The following RIN2 variants were observed in gnomAD, a reference collection of about 807,000 sequenced individuals.
The protein encoded by RIN2 is Ras and Rab interactor 2.
In RIN2, 36 loss-of-function variants were observed where a neutral mutation model predicts 78.0. That is an observed-to-expected ratio of 0.46 (90% CI 0.35 to 0.61). The LOEUF (loss-of-function observed/expected upper bound fraction) is 0.61, where lower values mean the gene tolerates loss of function less well. RIN2 is among the 20% of genes least tolerant of loss of function. The pLI is 0.00. For missense variants in RIN2, 1,087 were observed against 1,159.7 expected (o/e 0.94, Z 0.91); for synonymous variants, 466 against 466.8 (o/e 1.00, Z 0.02).
rs6046405 is a variant in RIN2, at chr20:19,883,076, C to G, written c.-36-6490C>G. Among the ~76,000 whole-genome samples, 734 of 152,258 alleles carry G rather than the reference C, an allele frequency of 4.8e-3. 6 individuals are homozygous for G. Among genetic ancestry groups the G allele is most frequent in the African/African-American group, 0.014 (567 of 41,550 alleles). ...TGTTCAAGGGTCAACTGTATGCAGA[C>G]TTTTCAATGACCTTGCGGGTAGCCA... On this transcript the variant is annotated intron_variant, in intron 2 of 12. Coordinates refer to ENST00000255006, the MANE Select transcript of RIN2 (RefSeq NM_018993.4).
intron 1 of RIN2, among the ~76,000 whole-genome samples, chr20:19,790,249 A>T (rs2034846108): frequency 6.6e-6 from 1 of 152,092 alleles, no homozygotes; most frequent in Admixed American, 6.5e-5. Context: ...AAATAATCAT[A>T]CACCCACCGA....
rs188096083 is a variant in RIN2 at position 19,858,126 on chromosome 20, A to T, written c.-36-31440A>T. ...CCCTTTTTATGGTCTGTCTTTTTTTAAAAAAAAATATTAAGATGGCTTGAG... is the reference window on the plus strand; with the variant it reads ...CCCTTTTTATGGTCTGTCTTTTTTTTAAAAAAAATATTAAGATGGCTTGAG... On this transcript the variant is annotated intron_variant, in intron 2 of 12. Transcript: ENST00000255006. Among the ~76,000 whole-genome samples, 715 of 149,986 alleles carry T rather than the reference A, an allele frequency of 4.8e-3. 3 individuals carry two copies. Among genetic ancestry groups the T allele is most frequent in the East Asian group, 0.032 (164 of 5,130 alleles).
At chr20:19,992,329 C>G in intron 11 of RIN2, 30 bp downstream of exon 11, 3 of 1,526,870 alleles carry the variant, frequency 2.0e-6, no homozygotes, top group Non-Finnish European at 2.6e-6. Context: ...GTTGAAGGAA[C>G]TGGGTGCTAT....
rs371421205 is a variant in RIN2, at chr20:19,996,720, A to G, written c.2242A>G (p.Ile748Val). The change falls in exon 12 of 13, where the codon ATA becomes GTA. Residue 748 changes from isoleucine to valine, a missense_variant. Ile to Val is a conservative substitution (Grantham distance 29). Coordinates refer to ENST00000255006, the MANE Select transcript of RIN2 (RefSeq NM_018993.4). ...AAGCGCATATGGAGCACTTTCTCTGATAAAGAATTTCCAAGAAGAACAAGC... is the reference window on the plus strand; with the variant it reads ...AAGCGCATATGGAGCACTTTCTCTGGTAAAGAATTTCCAAGAAGAACAAGC... ...LTSAYGALSL[I>V]KNFQEEQAAR... 1.2e-6 allele frequency: 2 copies of G among 1,613,896 alleles called. No individual in the cohort carries two copies. The highest frequency in any genetic ancestry group is 2.7e-5 in the African/African-American group (2 of 74,926).
intron 2 of RIN2, among the ~76,000 whole-genome samples, chr20:19,842,453 GCTGGT>G (rs539384978): frequency 4.8e-4 from 62 of 128,118 alleles, no homozygotes; most frequent in South Asian, 3.6e-3. Flanking sequence ...TGTTGGCCAG[GCTGGT>G]CTCGAACTCT....
In RIN2 at chr20:19,897,368, T is replaced by A. The variant is rs567532142; in HGVS notation, c.57+7710T>A. 1.2e-4 allele frequency among the ~76,000 whole-genome samples: 19 copies of A among 152,244 alleles called. No individual in the cohort carries two copies. In the East Asian group the frequency reaches 3.7e-3, roughly 29 times the overall value. On this transcript the variant is annotated intron_variant, in intron 3 of 12. Transcript: ENST00000255006. The stretch of plus-strand genomic sequence containing the variant: ...AAGTGATCTTCCTGCCTCAGCCTCC[T>A]AAAGTTCTGGGATTACAGGTGAGTG...
chr20:19,837,169 AACACAC>A (rs142399537), intron 2 of RIN2, among the ~76,000 whole-genome samples: 46,072 of 140,050 alleles, frequency 0.33, 7,701 homozygotes, highest in East Asian at 0.51. Context: ...CGCCCCCCCC[AACACAC>A]ACACACACAC....
intron 2 of RIN2, among the ~76,000 whole-genome samples, chr20:19,881,622 T>G (rs1186141997): frequency 6.6e-6 from 1 of 152,146 alleles, no homozygotes; most frequent in Non-Finnish European, 1.5e-5. Context: ...AGTCACCCAG[T>G]CTGGAGTGCA....
Position 19,935,275 on chromosome 20 carries a change from GCAGTCACTCCTCA to G in RIN2, c.158+77_158+89del, listed in dbSNP as rs1440111803. The G allele has an allele frequency of 3.6e-6, 5 of 1,370,982 alleles. No homozygotes were observed. In the Admixed American group the frequency reaches 1.1e-4, roughly 29 times the overall value. 84.9% of individuals were successfully genotyped at this position (1,370,982 alleles called of 1,614,324 possible). ...CCCTGGCACTGCCAAGGGCTGACTTGCAGTCACTCCTCAGAAGTCTGGGAGCTGGGAGTGTGGT... is the reference window on the plus strand; with the variant it reads ...CCCTGGCACTGCCAAGGGCTGACTTGGAAGTCTGGGAGCTGGGAGTGTGGT... On this transcript the variant is annotated intron_variant, in intron 4 of 12. Transcript: ENST00000255006.
chr20:19,856,354 A>T (rs1180146148), intron 2 of RIN2, among the ~76,000 whole-genome samples: 2 of 152,138 alleles, frequency 1.3e-5, no homozygotes, highest in Admixed American at 6.6e-5. Context: ...ATCTCTACAA[A>T]ATAAATTTAA....
At chr20:19,903,904 G>C (rs949675447) in intron 3 of RIN2, among the ~76,000 whole-genome samples, 2 of 152,172 alleles carry the variant, frequency 1.3e-5, no homozygotes, top group Non-Finnish European at 2.9e-5. Flanking sequence ...TACTGAATTT[G>C]TATTACCTGG....
At chr20:19,759,444 A>G (rs1445884908) in intron 1 of RIN2, among the ~76,000 whole-genome samples, 1 of 152,248 alleles carries the variant, frequency 6.6e-6, no homozygotes, top group East Asian at 1.9e-4. Flanking sequence ...AGAAACACAC[A>G]GGGCAGCACT....
intron 1 of RIN2, among the ~76,000 whole-genome samples, chr20:19,793,508 GA>G (rs1035306272): frequency 1.3e-5 from 2 of 151,072 alleles, no homozygotes; most frequent in Admixed American, 6.6e-5. Flanking sequence ...TTAATTTAAA[GA>G]AAAAAAAGGA....
chr20:19,888,377 T>C (rs2038290498), intron 2 of RIN2, among the ~76,000 whole-genome samples: 1 of 152,206 alleles, frequency 6.6e-6, no homozygotes, highest in Non-Finnish European at 1.5e-5. Flanking sequence ...TTCTCAGCTA[T>C]AGATTCATGC....
intron 7 of RIN2, among the ~76,000 whole-genome samples, chr20:19,965,386 A>C (rs1301343849): frequency 2.0e-5 from 3 of 152,076 alleles, no homozygotes; most frequent in African/African-American, 7.2e-5. Context: ...ACATGCGCAC[A>C]CACACCTACA....
intron 1 of RIN2, among the ~76,000 whole-genome samples, chr20:19,791,870 T>C (rs1042233652): frequency 3.9e-5 from 6 of 152,176 alleles, no homozygotes; most frequent in African/African-American, 1.4e-4. Flanking sequence ...AGGCAACAGG[T>C]AAGGAATAAA....
At chr20:19,907,701 G>T (rs58793273) in intron 3 of RIN2, among the ~76,000 whole-genome samples, 1 of 152,174 alleles carries the variant, frequency 6.6e-6, no homozygotes, top group Non-Finnish European at 1.5e-5. Context: ...ACAGGGCCTT[G>T]CCCAGAGTCC....
intron 2 of RIN2, among the ~76,000 whole-genome samples, chr20:19,862,210 C>T (rs1257656153): frequency 6.6e-6 from 1 of 152,172 alleles, no homozygotes; most frequent in Non-Finnish European, 1.5e-5. Context: ...AATAGATATC[C>T]ATGGTATTAA....
chr20:19,868,767 C>G (rs2037588092), intron 2 of RIN2, among the ~76,000 whole-genome samples: 2 of 152,020 alleles, frequency 1.3e-5, no homozygotes, highest in Admixed American at 6.6e-5. Flanking sequence ...TGATCTCTGA[C>G]CTAAGTCTTG....
Sources: allele counts gnomAD v4.1 joint callset (sites outside exome capture counted in the v4.1 genomes callset), GRCh38; gene constraint gnomAD v4.1.1; transcripts MANE v1.5; gene names NCBI Gene and HGNC (gene_info 2026-07-23, HGNC 2026-07-21).